FAM184A: variants seen among roughly 807,000 people sequenced by gnomAD.
FAM184A encodes protein FAM184A.
Under a neutral mutation model 143.8 loss-of-function variants are expected in FAM184A, and 99 were observed. The observed-to-expected ratio is 0.69, with a 90% CI of 0.58 to 0.81. FAM184A has a LOEUF of 0.81. FAM184A is among the 40% of genes least tolerant of loss of function. FAM184A has a pLI of 0.00. For synonymous variants in FAM184A, 427 were observed against 446.4 expected, an observed-to-expected ratio of 0.96 and a Z score of 0.55; for missense variants, 1,217 against 1,310.5, an observed-to-expected ratio of 0.93 and a Z score of 1.10.
intron 1 of FAM184A, among the ~76,000 whole-genome samples, chr6:119,069,343 A>G (rs1787596434): frequency 6.6e-6 from 1 of 152,138 alleles, no homozygotes; most frequent in African/African-American, 2.4e-5. Context: ...TAGGCGAAAC[A>G]TCTAAAGGTA....
chr6:119,022,447 A>T (rs894736192), intron 3 of FAM184A, among the ~76,000 whole-genome samples: 3 of 152,156 alleles, frequency 2.0e-5, no homozygotes, highest in Non-Finnish European at 4.4e-5. Flanking sequence ...TTTCTATAAA[A>T]ATATATTCCT....
intron 1 of FAM184A, among the ~76,000 whole-genome samples, chr6:119,094,407 T>C (rs1454346778): frequency 7.7e-6 from 1 of 129,520 alleles, no homozygotes; most frequent in Non-Finnish European, 1.6e-5. Flanking sequence ...ACTACTGTTA[T>C]AATTACCATT....
At chr6:119,102,784 C>CAAAAAAAAAAAA (rs58686018) in intron 1 of FAM184A, among the ~76,000 whole-genome samples, 85 of 30,012 alleles carry the variant, frequency 2.8e-3, no homozygotes, top group Non-Finnish European at 3.0e-3. Context: ...GACTCCATCT[C>CAAAAAAAAAAAA]AAAAAAAAAA....
Position 118,960,029 on chromosome 6 carries a change from C to G in FAM184A, c.*74G>C, listed in dbSNP as rs557889828. On this transcript the variant is annotated 3_prime_UTR_variant, in exon 18 of 18. Transcript: ENST00000338891. ...TTCACAGTGTTTGACATAGGAAAGC[C>G]TATTTACATAACAATCTGTATAAAG... 8.5e-7 allele frequency: 1 copy of G among 1,177,942 alleles called. No individual in the cohort carries two copies. 73.0% of individuals were successfully genotyped at this position (1,177,942 alleles called of 1,614,324 possible).
chr6:119,102,623 AC>A (rs1349207877), intron 1 of FAM184A, among the ~76,000 whole-genome samples: 1 of 151,816 alleles, frequency 6.6e-6, no homozygotes, highest in African/African-American at 2.4e-5. Context: ...CCCCGTCTCT[AC>A]TAAAAAATAC....
At chr6:119,093,664 C>T (rs1407442172) in intron 1 of FAM184A, among the ~76,000 whole-genome samples, 1 of 152,138 alleles carries the variant, frequency 6.6e-6, no homozygotes, top group African/African-American at 2.4e-5. Flanking sequence ...TCTTCCAAGA[C>T]ACTCAACTCA....
chr6:119,119,814 C>T (rs1017983056), intron 1 of FAM184A, among the ~76,000 whole-genome samples: 5 of 151,462 alleles, frequency 3.3e-5, no homozygotes, highest in African/African-American at 1.2e-4. Flanking sequence ...CTACAAAATA[C>T]AAAAAAATAA....
At chr6:119,077,555 C>A (rs1001264275) in intron 1 of FAM184A, among the ~76,000 whole-genome samples, 3 of 152,198 alleles carry the variant, frequency 2.0e-5, no homozygotes, top group Non-Finnish European at 4.4e-5. Flanking sequence ...CTTCGACAGA[C>A]AAACATTGAA....
In FAM184A at chr6:119,021,801, C is replaced by G. The variant is rs992830958; in HGVS notation, c.1150+1144G>C. Among the ~76,000 whole-genome samples, 4 of 152,002 alleles carry G rather than the reference C, an allele frequency of 2.6e-5. No homozygotes were observed. The East Asian group carries it at 7.7e-4, about 29-fold the overall frequency. On this transcript the variant is annotated intron_variant, in intron 3 of 17. Coordinates refer to ENST00000338891, the MANE Select transcript of FAM184A (RefSeq NM_024581.6). ...GGTCACCCTAGGCAACATGGCAAGA[C>G]CCCGTCTTTACAAAAAATTAAAAAA... is the stretch of plus-strand genomic sequence containing the variant.
chr6:119,029,410 T>G (rs1785787949), intron 1 of FAM184A, among the ~76,000 whole-genome samples: 1 of 152,196 alleles, frequency 6.6e-6, no homozygotes, highest in Admixed American at 6.5e-5. Flanking sequence ...TCAGTTCCAG[T>G]CCTGCCTCCT....
chr6:119,047,862 C>T (rs577034952), intron 1 of FAM184A, among the ~76,000 whole-genome samples: 67 of 152,256 alleles, frequency 4.4e-4, no homozygotes, highest in African/African-American at 1.6e-3. Context: ...AAGGACTCCT[C>T]CCCAACACAT....
intron 4 of FAM184A, among the ~76,000 whole-genome samples, chr6:119,019,273 A>T (rs866059674): frequency 6.6e-6 from 1 of 152,224 alleles, no homozygotes; most frequent in Non-Finnish European, 1.5e-5. Flanking sequence ...AGTGGGTAGT[A>T]AGTACCACAG....
intron 1 of FAM184A, among the ~76,000 whole-genome samples, chr6:119,143,541 A>G (rs1772316599): frequency 6.6e-6 from 1 of 152,264 alleles, no homozygotes; most frequent in Non-Finnish European, 1.5e-5. Context: ...CACAATAGCC[A>G]AGAGGTGGAA....
Position 118,963,905 on chromosome 6 carries a change from T to C in FAM184A, c.3138+762A>G, listed in dbSNP as rs1224565061. 3 of 152,046 alleles carry C rather than the reference T, an allele frequency of 2.0e-5. No individual in the cohort carries two copies. The East Asian group carries it at 5.8e-4, about 29-fold the overall frequency. The allele number at this position is 152,046 out of a possible 1,614,324, so 9.4% of individuals were successfully genotyped here. On this transcript the variant is annotated intron_variant, in intron 16 of 17. Coordinates refer to ENST00000338891, the MANE Select transcript of FAM184A (RefSeq NM_024581.6). ...CTGAATACCTACTATACCCAAAACA[T>C]GATTGGAGCCATGGGAAGCTAGGGT...
intron 1 of FAM184A, among the ~76,000 whole-genome samples, chr6:119,143,790 T>G (rs2114894739): frequency 6.6e-6 from 1 of 152,308 alleles, no homozygotes; most frequent in Middle Eastern, 3.4e-3. Flanking sequence ...AGGAATTATT[T>G]AATGGGTTTA....
intron 1 of FAM184A, among the ~76,000 whole-genome samples, chr6:119,140,254 G>A (rs1772181872): frequency 6.6e-6 from 1 of 152,198 alleles, no homozygotes; most frequent in African/African-American, 2.4e-5. Context: ...ATGTAAGGGA[G>A]TACCAAGAAA....
intron 1 of FAM184A, among the ~76,000 whole-genome samples, chr6:119,088,557 G>A (rs11153793): frequency 0.16 from 23,931 of 152,120 alleles, 2,639 homozygotes; most frequent in Admixed American, 0.29. Flanking sequence ...GCAGTCAATG[G>A]AAAATGATAC....
intron 1 of FAM184A, among the ~76,000 whole-genome samples, chr6:119,116,419 C>T (rs754933577): frequency 2.0e-5 from 3 of 152,036 alleles, no homozygotes; most frequent in African/African-American, 7.3e-5. Context: ...ATGACCTGAA[C>T]GACAGGATCG....
At chr6:119,014,857 G>A (rs952813467) in intron 5 of FAM184A, among the ~76,000 whole-genome samples, 10 of 152,056 alleles carry the variant, frequency 6.6e-5, no homozygotes, top group South Asian at 4.2e-4. Flanking sequence ...TCAGGAGTTC[G>A]AGACCAGCCT....
Sources: allele counts gnomAD v4.1 joint callset (sites outside exome capture counted in the v4.1 genomes callset), GRCh38; gene constraint gnomAD v4.1.1; transcripts MANE v1.5; gene names NCBI Gene and HGNC (gene_info 2026-07-23, HGNC 2026-07-21).